The following CDKAL1 variants were observed in gnomAD, a reference collection of about 807,000 sequenced individuals.
CDKAL1 encodes CDKAL1 threonylcarbamoyladenosine tRNA methylthiotransferase, also known as threonylcarbamoyladenosine tRNA methylthiotransferase.
CDKAL1 carries 32 observed loss-of-function variants against 68.2 expected under a neutral mutation model. The ratio of observed to expected loss-of-function variants is 0.47; its 90% CI spans 0.35 to 0.63. The LOEUF (loss-of-function observed/expected upper bound fraction) is 0.63, where lower values mean the gene tolerates loss of function less well. Among genes scored for constraint, CDKAL1 ranks in the 30% least tolerant of loss-of-function variants. CDKAL1 has a pLI of 0.00. For synonymous variants in CDKAL1, 234 were observed against 244.3 expected (o/e 0.96, Z 0.39); for missense variants, 606 against 696.7 (o/e 0.87, Z 1.47).
intron 4 of CDKAL1, among the ~76,000 whole-genome samples, chr6:20,642,216 C>A (rs1244355761): frequency 1.3e-5 from 2 of 151,916 alleles, no homozygotes; most frequent in Middle Eastern, 3.4e-3. Flanking sequence ...AGGAAGTGTT[C>A]TAATAATGAC....
intron 9 of CDKAL1, among the ~76,000 whole-genome samples, chr6:20,922,629 A>G (rs1763008365): frequency 1.3e-5 from 2 of 152,200 alleles, no homozygotes. Flanking sequence ...ATTAAGCTTT[A>G]ATCGAGTCAA....
chr6:20,614,270 T>C (rs370024047), intron 4 of CDKAL1, among the ~76,000 whole-genome samples: 2 of 152,346 alleles, frequency 1.3e-5, no homozygotes, highest in African/African-American at 2.4e-5. Flanking sequence ...TAGTTCACTT[T>C]ATCAGTGTTT....
chr6:20,759,424 C>A (rs1202120528), intron 7 of CDKAL1, among the ~76,000 whole-genome samples: 2 of 151,996 alleles, frequency 1.3e-5, no homozygotes, highest in Non-Finnish European at 2.9e-5. Context: ...CTCATGTAGA[C>A]CCATCTACTC....
At chr6:20,548,115 T>C (rs762224675) in intron 3 of CDKAL1, among the ~76,000 whole-genome samples, 1 of 152,244 alleles carries the variant, frequency 6.6e-6, no homozygotes, top group Non-Finnish European at 1.5e-5. Context: ...TTTAGACTTT[T>C]GATACAACAA....
chr6:21,066,177 A>G (rs1048110230), intron 12 of CDKAL1, among the ~76,000 whole-genome samples: 1 of 152,144 alleles, frequency 6.6e-6, no homozygotes, highest in African/African-American at 2.4e-5. Flanking sequence ...TGAAAAATAG[A>G]TGTATATTAG....
intron 15 of CDKAL1, among the ~76,000 whole-genome samples, chr6:21,204,674 C>A (rs1778827184): frequency 1.3e-5 from 2 of 152,160 alleles, no homozygotes; most frequent in Non-Finnish European, 2.9e-5. Flanking sequence ...GGAATCTGAG[C>A]ATCCATAATT....
chr6:20,974,699 C>G (rs886993763), intron 10 of CDKAL1, among the ~76,000 whole-genome samples: 1 of 151,722 alleles, frequency 6.6e-6, no homozygotes, highest in African/African-American at 2.4e-5. Context: ...AATATTTGGG[C>G]CAGGTGCAGT....
chr6:21,057,714 T>C (rs996100611), intron 11 of CDKAL1, among the ~76,000 whole-genome samples: 1 of 152,226 alleles, frequency 6.6e-6, no homozygotes, highest in African/African-American at 2.4e-5. Context: ...ATGCTGTCTC[T>C]TTATTCTCAT....
intron 4 of CDKAL1, among the ~76,000 whole-genome samples, chr6:20,600,801 TGAATG>T (rs1766064709): frequency 6.9e-6 from 1 of 145,032 alleles, no homozygotes; most frequent in South Asian, 2.1e-4. Flanking sequence ...CACACACACA[TGAATG>T]ATAAATTATT....
intron 10 of CDKAL1, among the ~76,000 whole-genome samples, chr6:20,997,711 G>C (rs1020340274): frequency 1.6e-4 from 24 of 152,040 alleles, no homozygotes; most frequent in Non-Finnish European, 7.4e-5. Context: ...TCTCTGGCCC[G>C]GGGTCATGTT....
At chr6:21,091,498 G>T (rs1316590142) in intron 12 of CDKAL1, among the ~76,000 whole-genome samples, 12 of 152,178 alleles carry the variant, frequency 7.9e-5, no homozygotes. Flanking sequence ...AGAAGCAGCA[G>T]CTGGATTGCC....
chr6:20,605,641 T>A (rs1258128920), intron 4 of CDKAL1, among the ~76,000 whole-genome samples: 1 of 152,164 alleles, frequency 6.6e-6, no homozygotes, highest in Non-Finnish European at 1.5e-5. Context: ...TGGAAACAGG[T>A]TGGTTCTGTT....
chr6:20,623,810 C>T (rs1767301894), intron 4 of CDKAL1, among the ~76,000 whole-genome samples: 1 of 152,006 alleles, frequency 6.6e-6, no homozygotes, highest in Non-Finnish European at 1.5e-5. Context: ...CTGTTAAGTT[C>T]AAATCAGTGT....
At chr6:20,634,579 G>A (rs1047350978) in intron 4 of CDKAL1, among the ~76,000 whole-genome samples, 1 of 152,172 alleles carries the variant, frequency 6.6e-6, no homozygotes, top group African/African-American at 2.4e-5. Flanking sequence ...GAGTGGTGGT[G>A]GTAGTAGTGA....
At chr6:20,832,811 T>C (rs1777773374) in intron 8 of CDKAL1, among the ~76,000 whole-genome samples, 1 of 152,214 alleles carries the variant, frequency 6.6e-6, no homozygotes, top group South Asian at 2.1e-4. Context: ...TTAATGATAA[T>C]GACATATAAT....
intron 6 of CDKAL1, among the ~76,000 whole-genome samples, chr6:20,749,764 G>T (rs1773834140): frequency 6.6e-6 from 1 of 151,986 alleles, no homozygotes; most frequent in African/African-American, 2.4e-5. Context: ...AGCCAAGAGG[G>T]TCTCGATCTT....
intron 5 of CDKAL1, among the ~76,000 whole-genome samples, chr6:20,712,610 A>G (rs1484995074): frequency 6.6e-6 from 1 of 152,058 alleles, no homozygotes; most frequent in Non-Finnish European, 1.5e-5. Context: ...ATAACAACTA[A>G]TGTTCAAAAT....
chr6:21,167,867 C>T (rs986404330), intron 13 of CDKAL1, among the ~76,000 whole-genome samples: 7 of 152,228 alleles, frequency 4.6e-5, no homozygotes, highest in Non-Finnish European at 2.9e-5. Context: ...GTCGGAGCTT[C>T]TAAGGCCCTC....
intron 15 of CDKAL1, among the ~76,000 whole-genome samples, chr6:21,212,617 AT>A (rs1244466306): frequency 6.6e-6 from 1 of 152,166 alleles, no homozygotes. Flanking sequence ...ATAGAACATT[AT>A]TTTTAAATAA....
Sources: allele counts gnomAD v4.1 joint callset (sites outside exome capture counted in the v4.1 genomes callset), GRCh38; gene constraint gnomAD v4.1.1; transcripts MANE v1.5; gene names NCBI Gene and HGNC (gene_info 2026-07-23, HGNC 2026-07-21).